Variants in EYS observed in about 807,000 individuals in gnomAD.
EYS encodes the protein protein eyes shut homolog.
In EYS, 250 loss-of-function variants were observed where a neutral mutation model predicts 282.1. The ratio of observed to expected loss-of-function variants is 0.89; its 90% CI spans 0.80 to 0.98. The LOEUF (loss-of-function observed/expected upper bound fraction) is 0.98. Ranked by LOEUF, EYS falls within the 50% of genes least tolerant of loss-of-function variation. The pLI, the probability that EYS is intolerant of heterozygous loss-of-function variation, is 0.00. For synonymous variants in EYS, 1,355 were observed against 1,282.9 expected (o/e 1.06, Z -1.20); for missense variants, 4,016 against 3,709.0 (o/e 1.08, Z -2.15).
At chr6:64,807,173 TCTAA>T (rs1764456656) in intron 22 of EYS, among the ~76,000 whole-genome samples, 2 of 152,116 alleles carry the variant, frequency 1.3e-5, no homozygotes, top group African/African-American at 4.8e-5. Context: ...AAAATAGATG[TCTAA>T]CTGCAAGAAT....
At chr6:65,089,980 A>ACACAC (rs1774506654) in intron 12 of EYS, among the ~76,000 whole-genome samples, 2 of 48,862 alleles carry the variant, frequency 4.1e-5, no homozygotes, top group Non-Finnish European at 8.1e-5. Flanking sequence ...TATATAAATA[A>ACACAC]ATACACACAC....
intron 12 of EYS, among the ~76,000 whole-genome samples, chr6:65,284,698 G>T (rs1177182265): frequency 6.6e-6 from 1 of 152,042 alleles, no homozygotes; most frequent in Non-Finnish European, 1.5e-5. Context: ...CATTATACTT[G>T]ATACCTTATG....
chr6:64,317,683 G>A (rs4543354), intron 29 of EYS, among the ~76,000 whole-genome samples: 109,006 of 151,904 alleles, frequency 0.72, 39,309 homozygotes, highest in African/African-American at 0.79. Flanking sequence ...TACTGGGTAT[G>A]TAACCAAGGG....
At chr6:65,216,848 T>C (rs1244251256) in intron 12 of EYS, among the ~76,000 whole-genome samples, 1 of 152,018 alleles carries the variant, frequency 6.6e-6, no homozygotes, top group Non-Finnish European at 1.5e-5. Context: ...TTTAGTAACT[T>C]ATTCCTATGA....
At chr6:65,046,021 T>A (rs959164142) in intron 13 of EYS, among the ~76,000 whole-genome samples, 2 of 151,960 alleles carry the variant, frequency 1.3e-5, no homozygotes, top group African/African-American at 2.4e-5. Context: ...CTTTTGTCCC[T>A]CTTAAGCAAC....
chr6:64,085,130 A>G (rs1772099880), intron 31 of EYS, among the ~76,000 whole-genome samples: 1 of 151,862 alleles, frequency 6.6e-6, no homozygotes, highest in South Asian at 2.1e-4. Context: ...GGTGCATGCC[A>G]CCATGTCTGG....
chr6:63,923,624 G>T (rs1562097788), intron 35 of EYS, among the ~76,000 whole-genome samples: 2 of 152,122 alleles, frequency 1.3e-5, no homozygotes, highest in Non-Finnish European at 2.9e-5. Context: ...GTGCAGATTT[G>T]TTACCTGGGT....
chr6:65,639,427 G>A (rs990801633), intron 2 of EYS, among the ~76,000 whole-genome samples: 10 of 151,806 alleles, frequency 6.6e-5, no homozygotes, highest in Admixed American at 6.6e-4. Context: ...CTTTCATCTT[G>A]AAAGAGAAAG....
chr6:64,070,933 T>C (rs1771550536), intron 32 of EYS, among the ~76,000 whole-genome samples: 1 of 152,046 alleles, frequency 6.6e-6, no homozygotes, highest in Non-Finnish European at 1.5e-5. Context: ...GATTTTGACC[T>C]TCTGGACACT....
At chr6:65,672,773 C>T (rs756315535) in intron 1 of EYS, among the ~76,000 whole-genome samples, 8 of 152,118 alleles carry the variant, frequency 5.3e-5, no homozygotes, top group South Asian at 2.1e-4. Context: ...AATTTTCATG[C>T]GAGTCCATGT....
chr6:65,512,230 T>G (rs1766908725), intron 2 of EYS, among the ~76,000 whole-genome samples: 1 of 152,108 alleles, frequency 6.6e-6, no homozygotes. Flanking sequence ...CGGTGGCTCA[T>G]GCCTGTAATC....
At chr6:65,152,287 C>T (rs1320815462) in intron 12 of EYS, among the ~76,000 whole-genome samples, 2 of 151,886 alleles carry the variant, frequency 1.3e-5, no homozygotes, top group African/African-American at 4.8e-5. Context: ...ACTTTACACA[C>T]CTAGTGTTAT....
intron 2 of EYS, among the ~76,000 whole-genome samples, chr6:65,580,328 G>T (rs931541692): frequency 6.6e-6 from 1 of 151,946 alleles, no homozygotes; most frequent in Non-Finnish European, 1.5e-5. Context: ...TTAAGGATAC[G>T]ATCAATAAAG....
At chr6:64,422,519 G>C (rs570663497) in intron 28 of EYS, among the ~76,000 whole-genome samples, 1 of 152,260 alleles carries the variant, frequency 6.6e-6, no homozygotes, top group East Asian at 1.9e-4. Context: ...GGAATGGCTG[G>C]GATGCCTCAG....
rs1765913878 is a variant in EYS at position 65,609,347 on chromosome 6, A to AC, written c.-333+30430_-333+30431insG. Among the ~76,000 whole-genome samples, 3 of 151,962 alleles carry AC rather than the reference A, an allele frequency of 2.0e-5. No homozygotes were observed. In the South Asian group the frequency reaches 6.2e-4, roughly 32 times the overall value. On this transcript the variant is annotated intron_variant, in intron 2 of 42. Coordinates refer to ENST00000503581, the MANE Select transcript of EYS (RefSeq NM_001142800.2). ...GTATCCAAGATAGCCAAAAAAAAAA[A>AC]AAATCTAATACTAACATTGTAAGAA...
At chr6:65,367,870 G>A (rs1252150098) in intron 8 of EYS, among the ~76,000 whole-genome samples, 1 of 151,624 alleles carries the variant, frequency 6.6e-6, no homozygotes, top group Non-Finnish European at 1.5e-5. Context: ...TATCATGCAT[G>A]TAAAGGTAAC....
intron 12 of EYS, among the ~76,000 whole-genome samples, chr6:65,158,686 T>C (rs1764783383): frequency 6.6e-6 from 1 of 150,932 alleles, no homozygotes; most frequent in South Asian, 2.1e-4. Flanking sequence ...ATTCATAACC[T>C]GGGTATCTCT....
chr6:63,723,526 T>C (rs1000658999), intron 42 of EYS, among the ~76,000 whole-genome samples: 1 of 152,016 alleles, frequency 6.6e-6, no homozygotes, highest in Non-Finnish European at 1.5e-5. Flanking sequence ...ATAAAAAATA[T>C]CTAAGAAATG....
Position 64,145,651 on chromosome 6 carries a change from T to G in EYS, c.6425-63649A>C, listed in dbSNP as rs144627252. On this transcript the variant is annotated intron_variant, in intron 31 of 42. Coordinates refer to ENST00000503581, the MANE Select transcript of EYS (RefSeq NM_001142800.2). ...AATTTAAAACCTTATCTTTTTTTCT[T>G]TACTCTTGTAAGAAAGTTCTACATG... Among the ~76,000 whole-genome samples the G allele has an allele frequency of 6.5e-4, 99 of 152,328 alleles. 1 individual carries two copies. The East Asian group carries it at 0.018, about 28-fold the overall frequency.
Sources: gnomAD v4.1 joint callset for allele counts (sites outside exome capture counted in the v4.1 genomes callset) on GRCh38, gnomAD v4.1.1 for gene constraint, MANE v1.5 for transcripts, NCBI Gene and HGNC (gene_info 2026-07-23, HGNC 2026-07-21) for gene names.